PRTFDC1: variants seen among roughly 807,000 people sequenced by gnomAD.
The protein encoded by PRTFDC1 is phosphoribosyltransferase domain-containing protein 1.
In PRTFDC1, 38 loss-of-function variants were observed where a neutral mutation model predicts 34.6. That is an observed-to-expected ratio of 1.10 (90% CI 0.85 to 1.44). The LOEUF (loss-of-function observed/expected upper bound fraction) is 1.44, where lower values mean the gene tolerates loss of function less well. PRTFDC1 is among the 40% of genes most tolerant of loss of function. The probability of loss-of-function intolerance (pLI) is 0.00; values close to 1 mark genes in which losing one functional copy is unlikely to be tolerated. For missense variants in PRTFDC1, 270 were observed against 283.0 expected (o/e 0.95, Z 0.33); for synonymous variants, 93 against 98.1 (o/e 0.95, Z 0.31).
At chr10:24,934,822 G>A (rs1356806052) in intron 3 of PRTFDC1, among the ~76,000 whole-genome samples, 1 of 152,190 alleles carries the variant, frequency 6.6e-6, no homozygotes, top group African/African-American at 2.4e-5. Flanking sequence ...TGAGGGCTGT[G>A]TCACAGGTTA....
intron 3 of PRTFDC1, among the ~76,000 whole-genome samples, chr10:24,919,919 T>C (rs1848756782): frequency 6.6e-6 from 1 of 151,968 alleles, no homozygotes; most frequent in South Asian, 2.1e-4. Flanking sequence ...AAGACCACAA[T>C]GAGATACCAT....
chr10:24,936,759 C>T (rs988215835), intron 3 of PRTFDC1, among the ~76,000 whole-genome samples: 3 of 152,166 alleles, frequency 2.0e-5, no homozygotes, highest in African/African-American at 7.2e-5. Flanking sequence ...TTCCAGGCCA[C>T]AACTGCAGCC....
chr10:24,852,762 C>T (rs1049195286), intron 7 of PRTFDC1, among the ~76,000 whole-genome samples: 14 of 152,246 alleles, frequency 9.2e-5, no homozygotes, highest in Admixed American at 3.3e-4. Context: ...GATTTATTTG[C>T]TTACTTTTAA....
intron 3 of PRTFDC1, among the ~76,000 whole-genome samples, chr10:24,923,938 C>G (rs1363974453): frequency 2.0e-5 from 3 of 152,116 alleles, no homozygotes; most frequent in Non-Finnish European, 2.9e-5. Flanking sequence ...CTAGAATAAA[C>G]AGTGTAGAGA....
rs138436506 is a variant in PRTFDC1, at chr10:24,883,383, T to C, written c.340-11320A>G. ...CACTGCACAGAGAAAGGCGCTTTTC[T>C]TTATGAGAAATAAAGGGAGGGTGGG... On this transcript the variant is annotated intron_variant, in intron 3 of 8. Transcript: ENST00000320152. 9.1e-4 allele frequency among the ~76,000 whole-genome samples: 139 copies of C among 152,154 alleles called. 1 individual carries two copies. The highest frequency in any genetic ancestry group is 1.7e-3 in the Non-Finnish European group (116 of 67,998).
intron 4 of PRTFDC1, among the ~76,000 whole-genome samples, chr10:24,860,986 T>G (rs1847670652): frequency 6.6e-6 from 1 of 152,232 alleles, no homozygotes; most frequent in Non-Finnish European, 1.5e-5. Context: ...TCCTGCCTAA[T>G]TAAGTAGAGT....
At chr10:24,878,231 C>T (rs1472793601) in intron 3 of PRTFDC1, among the ~76,000 whole-genome samples, 3 of 151,754 alleles carry the variant, frequency 2.0e-5, no homozygotes, top group Non-Finnish European at 4.4e-5. Flanking sequence ...CAAGATTGCA[C>T]CACTGCACTC....
Position 24,938,718 on chromosome 10 carries a change from A to G in PRTFDC1, c.156-1351T>C, listed in dbSNP as rs554365261. ...ACACAATAAGTTCTTCATGCATCTC[A>G]ATTGACCAGAGGCTGTACATATGCA... On this transcript the variant is annotated intron_variant, in intron 2 of 8. Coordinates refer to ENST00000320152, the MANE Select transcript of PRTFDC1 (RefSeq NM_020200.7). Among the ~76,000 whole-genome samples the G allele has an allele frequency of 3.3e-5, 5 of 152,292 alleles. No homozygotes were observed. In the East Asian group the frequency reaches 7.7e-4, roughly 24 times the overall value.
chr10:24,891,625 T>TA (rs68171097), intron 3 of PRTFDC1, among the ~76,000 whole-genome samples: 50,591 of 148,762 alleles, frequency 0.34, 9,437 homozygotes, highest in African/African-American at 0.51. Flanking sequence ...CCCAGTCTCT[T>TA]AAAAAAAAAA....
chr10:24,888,170 GC>G (rs1358158372), intron 3 of PRTFDC1, among the ~76,000 whole-genome samples: 1 of 152,192 alleles, frequency 6.6e-6, no homozygotes, highest in Non-Finnish European at 1.5e-5. Context: ...TCTGCACCAG[GC>G]CCACTTCTGC....
intron 3 of PRTFDC1, among the ~76,000 whole-genome samples, chr10:24,936,347 C>T (rs1279709014): frequency 6.6e-6 from 1 of 151,438 alleles, no homozygotes. Context: ...TGGTGCCATA[C>T]AGCTCACTGC....
At chr10:24,902,626 T>C (rs1848467279) in intron 3 of PRTFDC1, among the ~76,000 whole-genome samples, 2 of 152,188 alleles carry the variant, frequency 1.3e-5, no homozygotes, top group East Asian at 1.9e-4. Flanking sequence ...AAGTTGACTT[T>C]TATATTTTTC....
chr10:24,931,343 A>T (rs1414803503), intron 3 of PRTFDC1, among the ~76,000 whole-genome samples: 2 of 152,106 alleles, frequency 1.3e-5, no homozygotes, highest in African/African-American at 2.4e-5. Context: ...ATAAAAGAAA[A>T]TTAACCCCAA....
chr10:24,935,108 C>A (rs958916130), intron 3 of PRTFDC1, among the ~76,000 whole-genome samples: 7 of 152,128 alleles, frequency 4.6e-5, no homozygotes, highest in African/African-American at 1.4e-4. Context: ...GGAAACTGTT[C>A]TATATCTTGA....
intron 3 of PRTFDC1, among the ~76,000 whole-genome samples, chr10:24,894,890 T>C (rs1318658484): frequency 4.6e-5 from 7 of 152,052 alleles, no homozygotes; most frequent in Non-Finnish European, 2.9e-5. Flanking sequence ...CATCAGGAAG[T>C]AGTGGCGACA....
At chr10:24,892,803 T>C (rs1298611018) in intron 3 of PRTFDC1, among the ~76,000 whole-genome samples, 4 of 152,160 alleles carry the variant, frequency 2.6e-5, no homozygotes, top group Non-Finnish European at 1.5e-5. Context: ...TTTTAGATTC[T>C]TATTTCTGGG....
intron 3 of PRTFDC1, among the ~76,000 whole-genome samples, chr10:24,906,599 T>C (rs1848540122): frequency 6.6e-6 from 1 of 152,020 alleles, no homozygotes; most frequent in Non-Finnish European, 1.5e-5. Context: ...ATGGACAGAA[T>C]GTAGATCACA....
chr10:24,866,166 G>C (rs1847770827), intron 4 of PRTFDC1, among the ~76,000 whole-genome samples: 1 of 151,960 alleles, frequency 6.6e-6, no homozygotes, highest in African/African-American at 2.4e-5. Context: ...TTTGAGACCA[G>C]CTTGACCAAC....
At chr10:24,915,353 T>A (rs1432020883) in intron 3 of PRTFDC1, among the ~76,000 whole-genome samples, 1 of 152,166 alleles carries the variant, frequency 6.6e-6, no homozygotes, top group East Asian at 1.9e-4. Context: ...TCCAAATAAA[T>A]AACAGCTCCA....
Sources: gnomAD v4.1 joint callset for allele counts (sites outside exome capture counted in the v4.1 genomes callset) on GRCh38, gnomAD v4.1.1 for gene constraint, MANE v1.5 for transcripts, NCBI Gene and HGNC (gene_info 2026-07-23, HGNC 2026-07-21) for gene names.